The following GOLGA8M variants were observed in gnomAD, a reference collection of about 807,000 sequenced individuals.
GOLGA8M encodes the protein golgin A8 family member M.
In GOLGA8M, 34 loss-of-function variants were observed where a neutral mutation model predicts 87.7. The ratio of observed to expected loss-of-function variants is 0.39; its 90% CI spans 0.29 to 0.52. The LOEUF is 0.52. GOLGA8M is among the 20% of genes least tolerant of loss of function. GOLGA8M has a pLI of 0.80. For synonymous variants in GOLGA8M, 138 were observed against 250.2 expected, an observed-to-expected ratio of 0.55 and a Z score of 4.23; for missense variants, 396 against 682.2, an observed-to-expected ratio of 0.58 and a Z score of 4.67.
chr15:28,712,126 T>A, intron 1 of GOLGA8M, 150 bp downstream of exon 1: 2 of 1,533,020 alleles, frequency 1.3e-6, no homozygotes, highest in Non-Finnish European at 1.7e-6. Flanking sequence ...TGGGGCTGAC[T>A]GACAAAACTT....
At chr15:28,704,763 T>C (rs1338124875) in intron 13 of GOLGA8M, among the ~76,000 whole-genome samples, 1 of 144,500 alleles carries the variant, frequency 6.9e-6, no homozygotes, top group Non-Finnish European at 1.5e-5. Flanking sequence ...TTTTTTGTAA[T>C]TTTAGTAGAG....
Position 28,699,496 on chromosome 15 carries a change from A to C in GOLGA8M, c.*2458T>G, listed in dbSNP as rs973225659. Among the ~76,000 whole-genome samples the C allele has an allele frequency of 1.4e-5, 2 of 144,492 alleles. No homozygotes were observed. Among genetic ancestry groups the C allele is most frequent in the Non-Finnish European group, 2.9e-5 (2 of 67,812 alleles). 94.8% of individuals were successfully genotyped at this position (144,492 alleles called of 152,430 possible). A position where few individuals can be genotyped will look rare whatever the true frequency, so the allele number is the denominator to read the frequency against. ...TCCATTCTTTTTAGCTTTTTCTTAA[A>C]TATATGACAAATACCTATACAAAGA... is the stretch of plus-strand genomic sequence containing the variant. On this transcript the variant is annotated 3_prime_UTR_variant, in exon 19 of 19. Coordinates refer to ENST00000563027, the MANE Select transcript of GOLGA8M (RefSeq NM_001282468.3).
Position 28,707,958 on chromosome 15 carries a change from A to G in GOLGA8M, c.476T>C (p.Phe159Ser), listed in dbSNP as rs1345481208. Residue 159 changes from phenylalanine (F) to serine (S), a missense_variant, in exon 7 of 19, where the codon TTT (phenylalanine) becomes TCT (serine). By Grantham distance (155) the Phe-to-Ser change is radical (BLOSUM62 -2). Transcript: ENST00000563027. Reference sequence around the variant, plus strand: ...CAGGGTGCCCAGATTCCCACCTTCAAAGTATCTGAGAGAACGTTTCATGTG... The same window carrying G: ...CAGGGTGCCCAGATTCCCACCTTCAGAGTATCTGAGAGAACGTTTCATGTG... Reference protein sequence around the residue: ...LYHMKRSLRYFEEKSKDLAVR... With the variant: ...LYHMKRSLRYSEEKSKDLAVR... 3 of 1,594,938 alleles carry G rather than the reference A, an allele frequency of 1.9e-6. No homozygotes were observed. Among genetic ancestry groups the G allele is most frequent in the Non-Finnish European group, 2.5e-6 (3 of 1,178,580 alleles).
rs574372460 is a variant in GOLGA8M, at chr15:28,702,246, G to A, written c.1691C>T (p.Pro564Leu). ...ADEPGPGAPA[P>L]QELGAADKHG... Reference sequence around the variant, plus strand: ...CTTGTCTGCAGCCCCAAGCTCCTGGGGAGCTGGGGCTCCTGGACCGGGCTC... The same window carrying A: ...CTTGTCTGCAGCCCCAAGCTCCTGGAGAGCTGGGGCTCCTGGACCGGGCTC... The change falls in exon 18 of 19, where the codon CCC becomes CTC. Residue 564 changes from proline (P) to leucine (L), a missense_variant. By Grantham distance (98) the Pro-to-Leu change is moderately conservative (BLOSUM62 -3). This residue lies in a region of GOLGA8M where 173 missense variants were observed against 150.2 expected (regional missense o/e 1.15). Transcript: ENST00000563027. 887 of 1,583,766 alleles carry A rather than the reference G, an allele frequency of 5.6e-4. 14 individuals are homozygous for A. In the African/African-American group the frequency reaches 0.011, roughly 20 times the overall value.
rs1462910597 is a variant in GOLGA8M, at chr15:28,702,523, G to C, written c.1509C>G (p.Ala503=). ...HHLLSEPGGR[A]KDAALGGGHH... is the part of the protein sequence containing the mutation. ...GTCCTCCTCCCAGTGCCGCATCTTT[G>C]GCACGGCCCCCTGGTTCTGATAAAA... The change falls in exon 17 of 19, where the codon GCC becomes GCG. Residue 503 remains alanine (A), a synonymous_variant. Coordinates refer to ENST00000563027, the MANE Select transcript of GOLGA8M (RefSeq NM_001282468.3). 1.0e-5 allele frequency: 16 copies of C among 1,598,324 alleles called. No homozygotes were observed. The highest frequency in any genetic ancestry group is 1.4e-5 in the Non-Finnish European group (16 of 1,179,402).
At position 28,706,508 on chromosome 15, in the gene GOLGA8M, T is replaced by A. The variant is rs755272146; in HGVS notation, c.679-2A>T. On this transcript the variant is annotated splice_acceptor_variant, in intron 9 of 18. Transcript: ENST00000563027. LOFTEE classifies it high-confidence loss of function. Reference sequence around the variant, plus strand: ...GACTTGTTGAAATGACTCCTTCAACTGCAAGAATGGGCACAGAACTTAGGA... The same window carrying A: ...GACTTGTTGAAATGACTCCTTCAACAGCAAGAATGGGCACAGAACTTAGGA... 13,691 of 1,354,852 alleles carry A rather than the reference T, an allele frequency of 0.01. 76 individuals are homozygous for A. Among genetic ancestry groups the A allele is most frequent in the Middle Eastern group, 0.012 (47 of 3,976 alleles). The allele number at this position is 1,354,852 out of a possible 1,614,324, so 83.9% of individuals were successfully genotyped here. A position where few individuals can be genotyped will look rare whatever the true frequency, so the allele number is the denominator to read the frequency against.
rs1475554477 is a variant in GOLGA8M at position 28,703,001 on chromosome 15, C to T, written c.1369-256G>A. On this transcript the variant is annotated intron_variant, in intron 15 of 18. Coordinates refer to ENST00000563027, the MANE Select transcript of GOLGA8M (RefSeq NM_001282468.3). ...TGGCAGCCACCCTCTGCTCTTTCAC[C>T]TGCTCTTGTAACTGTGCCTGCTTCT... is the stretch of plus-strand genomic sequence containing the variant. The T allele has an allele frequency of 3.1e-6, 3 of 961,094 alleles. 1 individual carries two copies. The highest frequency in any genetic ancestry group is 3.9e-5 in the African/African-American group (2 of 51,388). The allele number at this position is 961,094 out of a possible 1,614,324, so 59.5% of individuals were successfully genotyped here.
At chr15:28,704,324 ACTGTGGGGCT>A (rs2079937228) in intron 13 of GOLGA8M, among the ~76,000 whole-genome samples, 1 of 147,276 alleles carries the variant, frequency 6.8e-6, no homozygotes, top group South Asian at 2.2e-4. Context: ...TAGCGAGGGC[ACTGTGGGGCT>A]CTGTCAGCTG....
chr15:28,701,823 A>C lies in GOLGA8M; in HGVS notation c.*131T>G. 1.6e-6 allele frequency: 2 copies of C among 1,258,396 alleles called. No homozygotes were observed. The highest frequency in any genetic ancestry group is 2.2e-6 in the Non-Finnish European group (2 of 924,876). 78.0% of individuals were successfully genotyped at this position (1,258,396 alleles called of 1,614,324 possible). On this transcript the variant is annotated 3_prime_UTR_variant, in exon 19 of 19. Transcript: ENST00000563027. ...TTTTACAAATAAACTTAAAACTATA[A>C]ATTAGAAACACAAATAATCATGAGT...
intron 1 of GOLGA8M, chr15:28,712,012 G>C (rs1193027470): frequency 1.0e-6 from 1 of 984,958 alleles, no homozygotes; most frequent in African/African-American, 1.8e-5. Context: ...GGGGCGGCAG[G>C]AGATGAGGGC....
At chr15:28,704,713 A>G (rs1203786250) in intron 13 of GOLGA8M, among the ~76,000 whole-genome samples, 1 of 142,836 alleles carries the variant, frequency 7.0e-6, no homozygotes, top group Non-Finnish European at 1.5e-5. Context: ...GAGTAGGTGG[A>G]ATTACAGGCA....
rs777491613 is a variant in GOLGA8M at position 28,708,051 on chromosome 15, G to C, written c.397-14C>G. 5 of 1,604,840 alleles carry C rather than the reference G, an allele frequency of 3.1e-6. No individual in the cohort carries two copies. Among genetic ancestry groups the C allele is most frequent in the Non-Finnish European group, 3.4e-6 (4 of 1,179,308 alleles). On this transcript the variant is annotated splice_polypyrimidine_tract_variant and intron_variant, in intron 6 of 18. Transcript: ENST00000563027. The stretch of plus-strand genomic sequence containing the variant: ...CTGGAGTTGAACCTTTGGGAGAAAA[G>C]CCAAGCAAGTGCTGAAAGAGAAGGA...
In GOLGA8M at chr15:28,702,455, C is replaced by A. The variant is rs1249718383; in HGVS notation, c.1567+10G>T. The A allele has an allele frequency of 8.6e-5, 57 of 659,212 alleles. No individual in the cohort carries two copies. Among genetic ancestry groups the A allele is most frequent in the Non-Finnish European group, 1.1e-4 (47 of 420,594 alleles). 40.8% of individuals were successfully genotyped at this position (659,212 alleles called of 1,614,324 possible). A position where few individuals can be genotyped will look rare whatever the true frequency, so the allele number is the denominator to read the frequency against. Reference sequence around the variant, plus strand: ...CACCCCCACCCCCACAGAGATGTTGCACACCCTACCTTCATCTCCTCCCTG... The same window carrying A: ...CACCCCCACCCCCACAGAGATGTTGAACACCCTACCTTCATCTCCTCCCTG... On this transcript the variant is annotated intron_variant, in intron 17 of 18. Coordinates refer to ENST00000563027, the MANE Select transcript of GOLGA8M (RefSeq NM_001282468.3).
At chr15:28,711,844 C>T in intron 1 of GOLGA8M, 4 of 984,800 alleles carry the variant, frequency 4.1e-6, no homozygotes, top group Non-Finnish European at 4.8e-6. Context: ...GCACAAAGAA[C>T]CCAGGGAGGT....
rs573287567 is a variant in GOLGA8M at position 28,698,633 on chromosome 15, C to A, written c.*3321G>T. Among the ~76,000 whole-genome samples, 2 of 147,004 alleles carry A rather than the reference C, an allele frequency of 1.4e-5. No homozygotes were observed. Among genetic ancestry groups the A allele is most frequent in the African/African-American group, 2.6e-5 (1 of 37,762 alleles). On this transcript the variant is annotated 3_prime_UTR_variant, in exon 19 of 19. Transcript: ENST00000563027. ...TATTTTGGTTTTTAATAAACACTTG[C>A]ATAGTTATATTACAACTTTGTAAAA...
rs1159101089 is a variant in GOLGA8M at position 28,702,201 on chromosome 15, G to A, written c.1723+13C>T. 1.3e-6 allele frequency: 2 copies of A among 1,590,256 alleles called. No homozygotes were observed. The highest frequency in any genetic ancestry group is 8.5e-7 in the Non-Finnish European group (1 of 1,173,314). ...CTTCCTGCCTGCCCACACCACCTGA[G>A]GGCTGTACTCACCACCATGCTTGTC... On this transcript the variant is annotated intron_variant, in intron 18 of 18. Transcript: ENST00000563027.
chr15:28,712,173 C>G lies in GOLGA8M; in HGVS notation c.48+103G>C, dbSNP rs398392. The G allele has an allele frequency of 7.2e-6, 11 of 1,537,368 alleles. No homozygotes were observed. The South Asian group carries it at 1.2e-4, about 17-fold the overall frequency. On this transcript the variant is annotated intron_variant, in intron 1 of 18. Coordinates refer to ENST00000563027, the MANE Select transcript of GOLGA8M (RefSeq NM_001282468.3). ...GCCCAAGGCACCGGGGTTGGGGGGA[C>G]CAGTCCAGTGTGCCTCAGGAGTCGT...
At chr15:28,708,460 C>G (rs1173702257) in intron 4 of GOLGA8M, 47 bp from the exon 5 acceptor site, 2 of 1,502,560 alleles carry the variant, frequency 1.3e-6, no homozygotes, top group South Asian at 2.3e-5. Context: ...CCCCTCAACT[C>G]TATTCCCCAG....
At chr15:28,704,373 CTAAG>C (rs1293967606) in intron 13 of GOLGA8M, among the ~76,000 whole-genome samples, 1 of 147,274 alleles carries the variant, frequency 6.8e-6, no homozygotes, top group African/African-American at 2.5e-5. Flanking sequence ...TACTCCAGGC[CTAAG>C]TGACTGCCTC....
Sources: allele counts gnomAD v4.1 joint callset (sites outside exome capture counted in the v4.1 genomes callset), GRCh38; gene constraint gnomAD v4.1.1; regional missense constraint gnomAD v4.1.1; transcripts MANE v1.5; gene names NCBI Gene and HGNC (gene_info 2026-07-23, HGNC 2026-07-21).